FAM117A: variants seen among roughly 807,000 people sequenced by gnomAD.
FAM117A encodes family with sequence similarity 117 member A.
In FAM117A, 21 loss-of-function variants were observed where a neutral mutation model predicts 44.1. That is an observed-to-expected ratio of 0.48 (90% confidence interval 0.34 to 0.69). The LOEUF (loss-of-function observed/expected upper bound fraction) is 0.69, where lower values mean the gene tolerates loss of function less well. Ranked by LOEUF, FAM117A falls within the 30% of genes least tolerant of loss-of-function variation. The probability of loss-of-function intolerance (pLI) is 0.01; values close to 1 mark genes in which losing one functional copy is unlikely to be tolerated. For missense variants in FAM117A, 498 were observed against 589.9 expected (o/e 0.84, Z 1.61); for synonymous variants, 220 against 238.3 (o/e 0.92, Z 0.71).
intron 7 of FAM117A, among the ~76,000 whole-genome samples, chr17:49,714,243 T>C (rs1344396214): frequency 6.6e-6 from 1 of 151,558 alleles, no homozygotes; most frequent in Non-Finnish European, 1.5e-5. Flanking sequence ...AACTTCCCAA[T>C]AGGAAAGTTG....
chr17:49,758,744 T>C (rs1045471881), intron 1 of FAM117A, among the ~76,000 whole-genome samples: 2 of 152,072 alleles, frequency 1.3e-5, no homozygotes, highest in African/African-American at 2.4e-5. Context: ...GTCAGAACAC[T>C]TGAGCTAGAG....
At chr17:49,715,653 T>C (rs1350776714) in intron 7 of FAM117A, among the ~76,000 whole-genome samples, 1 of 152,178 alleles carries the variant, frequency 6.6e-6, no homozygotes, top group African/African-American at 2.4e-5. Context: ...TGGGAGTTCA[T>C]GACACTTGAA....
intron 1 of FAM117A, among the ~76,000 whole-genome samples, chr17:49,758,805 A>C (rs1401608809): frequency 1.3e-5 from 2 of 152,092 alleles, no homozygotes. Flanking sequence ...TGCCCCTCAG[A>C]AGATGCCACA....
At chr17:49,724,837 A>G (rs892599570) in intron 2 of FAM117A, among the ~76,000 whole-genome samples, 14 of 151,158 alleles carry the variant, frequency 9.3e-5, no homozygotes, top group African/African-American at 3.2e-4. Context: ...AAAAAAAAAA[A>G]AAGAAAGAAA....
At chr17:49,769,172 G>A (rs899636550) in intron 1 of FAM117A, among the ~76,000 whole-genome samples, 3 of 152,128 alleles carry the variant, frequency 2.0e-5, no homozygotes, top group African/African-American at 7.2e-5. Context: ...GCACGCGCCT[G>A]TAGTCCCAGC....
At chr17:49,736,766 C>T (rs548951007) in intron 1 of FAM117A, among the ~76,000 whole-genome samples, 3 of 152,342 alleles carry the variant, frequency 2.0e-5, no homozygotes, top group African/African-American at 7.2e-5. Flanking sequence ...CTCCACTCCA[C>T]CAAGCCTTCT....
At chr17:49,737,303 C>T (rs560556884) in intron 1 of FAM117A, among the ~76,000 whole-genome samples, 68 of 152,276 alleles carry the variant, frequency 4.5e-4, no homozygotes, top group African/African-American at 1.6e-3. Context: ...AGCTTCTGAC[C>T]CACATCAGCA....
At chr17:49,734,742 G>A (rs1324978391) in intron 1 of FAM117A, among the ~76,000 whole-genome samples, 1 of 152,156 alleles carries the variant, frequency 6.6e-6, no homozygotes, top group Non-Finnish European at 1.5e-5. Context: ...GCAGGGACTT[G>A]AAGCATTTTT....
chr17:49,732,472 G>T, intron 2 of FAM117A, 79 bp downstream of exon 2: 1 of 1,356,758 alleles, frequency 7.4e-7, no homozygotes, highest in Non-Finnish European at 1.0e-6. Context: ...GCAATGACTT[G>T]AGGAAGACCA....
upstream of FAM117A, chr17:49,788,957 C>G (rs1032077042): frequency 7.5e-6 from 8 of 1,073,194 alleles, no homozygotes; most frequent in Non-Finnish European, 7.8e-6. Flanking sequence ...TTCCGCTCCC[C>G]CGAACCTTGT....
intron 1 of FAM117A, among the ~76,000 whole-genome samples, chr17:49,787,712 CA>C (rs1244536657): frequency 6.6e-6 from 1 of 152,248 alleles, no homozygotes; most frequent in Non-Finnish European, 1.5e-5. Context: ...GCCTGCTCTC[CA>C]CTTTCCAGCC....
intron 1 of FAM117A, among the ~76,000 whole-genome samples, chr17:49,758,588 C>A (rs544319431): frequency 6.7e-6 from 1 of 149,010 alleles, no homozygotes; most frequent in Non-Finnish European, 1.5e-5. Flanking sequence ...CGTGCCATTG[C>A]GCTCCATCCT....
chr17:49,716,738 C>T (rs767801610), intron 6 of FAM117A, among the ~76,000 whole-genome samples: 3 of 152,190 alleles, frequency 2.0e-5, no homozygotes, highest in African/African-American at 4.8e-5. Flanking sequence ...AACTCTTCTC[C>T]GACTCAGAGA....
Position 49,722,410 on chromosome 17 carries a change from G to T in FAM117A, c.462+89C>A, listed in dbSNP as rs2073539072. 3 of 1,062,472 alleles carry T rather than the reference G, an allele frequency of 2.8e-6. No homozygotes were observed. The African/African-American group carries it at 4.8e-5, about 17-fold the overall frequency. 65.8% of individuals were successfully genotyped at this position (1,062,472 alleles called of 1,614,324 possible). ...TCAAGATAGGAGAGGTGAGCAGTGT[G>T]ACGCCACCATGGAGCAGATGCATTG... On this transcript the variant is annotated intron_variant, in intron 3 of 7. Coordinates refer to ENST00000240364, the MANE Select transcript of FAM117A (RefSeq NM_030802.4).
chr17:49,750,577 C>T (rs957575679), intron 1 of FAM117A, among the ~76,000 whole-genome samples: 7 of 151,908 alleles, frequency 4.6e-5, no homozygotes. Context: ...GAGTTCGAGA[C>T]CAGCCTGGCC....
rs749383414 is a variant in FAM117A, at chr17:49,764,102, C to T, written c.-15G>A. On this transcript the variant is annotated 5_prime_UTR_variant, in exon 1 of 8. Transcript: ENST00000240364. ...GCCCCCGCCATGGCTCTCCCGGCTG[C>T]CTGCCTCAGCCCCACTGCGAGACTC... is the stretch of plus-strand genomic sequence containing the variant. 1.6e-6 allele frequency: 2 copies of T among 1,248,034 alleles called. No homozygotes were observed. The highest frequency in any genetic ancestry group is 1.0e-6 in the Non-Finnish European group (1 of 985,586). The allele number at this position is 1,248,034 out of a possible 1,614,324, so 77.3% of individuals were successfully genotyped here. A position where few individuals can be genotyped will look rare whatever the true frequency, so the allele number is the denominator to read the frequency against.
chr17:49,720,346 C>A lies in FAM117A; in HGVS notation c.553G>T (p.Ala185Ser), dbSNP rs749711689. 8 of 1,613,704 alleles carry A rather than the reference C, an allele frequency of 5.0e-6. No individual in the cohort carries two copies. In the Admixed American group the frequency reaches 5.0e-5, roughly 10 times the overall value. The change falls in exon 4 of 8, where the codon GCA becomes TCA. Residue 185 changes from alanine to serine, a missense_variant. Physicochemically the swap from Ala to Ser is moderately conservative, Grantham distance 99. Transcript: ENST00000240364. ...ERGSPLLGDH[A>S]VRGALRASPP... is the part of the protein sequence containing the mutation. ...CATACCCTCAGTGCTCCCCGCACTG[C>A]GTGGTCCCCTAGGAGTGGTGAACCT...
At chr17:49,723,901 G>C (rs1253669465) in intron 2 of FAM117A, among the ~76,000 whole-genome samples, 1 of 152,096 alleles carries the variant, frequency 6.6e-6, no homozygotes, top group Non-Finnish European at 1.5e-5. Flanking sequence ...TTGTTCTGAT[G>C]AGCATCACGA....
upstream of FAM117A, chr17:49,788,757 A>C: frequency 6.6e-7 from 1 of 1,508,512 alleles, no homozygotes; most frequent in Non-Finnish European, 9.0e-7. Context: ...AGAGGCCGCC[A>C]CGGAGCCCGC....
Sources: allele counts gnomAD v4.1 joint callset (sites outside exome capture counted in the v4.1 genomes callset), GRCh38; gene constraint gnomAD v4.1.1; transcripts MANE v1.5; gene names NCBI Gene and HGNC (gene_info 2026-07-23, HGNC 2026-07-21).